NRAP: variants seen among roughly 807,000 people sequenced by gnomAD.
The protein encoded by NRAP is nebulin-related-anchoring protein.
NRAP carries 189 observed loss-of-function variants against 225.9 expected under a neutral mutation model. The ratio of observed to expected loss-of-function variants is 0.84; its 90% CI spans 0.74 to 0.94. The LOEUF (loss-of-function observed/expected upper bound fraction) is 0.94. Among genes scored for constraint, NRAP ranks in the 40% least tolerant of loss-of-function variants. NRAP has a pLI of 0.00. For synonymous variants in NRAP, 769 were observed against 790.7 expected (o/e 0.97, Z 0.46); for missense variants, 2,176 against 2,168.7 (o/e 1.00, Z -0.07).
rs1850154399 is a variant in NRAP at position 113,654,085 on chromosome 10, C to CTTG, written c.400_401insCAA (p.Cys134delinsSerSer). ...TTCGGGGTCTGGCAGAGCTCCTGGG[C>CTTG]ACCAAGCATTCCCTTCCCCATATCC... On this transcript the variant is annotated protein_altering_variant, in exon 5 of 42. Transcript: ENST00000359988. 1 of 1,613,648 alleles carries CTTG rather than the reference C, an allele frequency of 6.2e-7. No homozygotes were observed. The highest frequency in any genetic ancestry group is 8.5e-7 in the Non-Finnish European group (1 of 1,179,724).
rs1488085896 is a variant in NRAP, at chr10:113,645,606, G to C, written c.1110+219C>G. On this transcript the variant is annotated intron_variant, in intron 11 of 41. Transcript: ENST00000359988. ...CTAATTTTGTATTTTTAGTAGAGAC[G>C]GGGTTTCTCCATGTTAGTCAGGCTG... is the stretch of plus-strand genomic sequence containing the variant. 2.6e-5 allele frequency among the ~76,000 whole-genome samples: 4 copies of C among 152,152 alleles called. No individual in the cohort carries two copies. In the East Asian group the frequency reaches 5.8e-4, roughly 22 times the overall value.
At position 113,646,915 on chromosome 10, in the gene NRAP, G is replaced by C. The variant is rs193051579; in HGVS notation, c.993+8C>G. The stretch of plus-strand genomic sequence containing the variant: ...CTGGCTCTGTGGTCACACCTACATG[G>C]TACTTACGTCACTAGCGAGTTCGTG... On this transcript the variant is annotated splice_region_variant and intron_variant, in intron 10 of 41. Transcript: ENST00000359988. The C allele has an allele frequency of 6.3e-6, 10 of 1,592,836 alleles. No homozygotes were observed. The South Asian group carries it at 1.1e-4, about 18-fold the overall frequency.
chr10:113,632,056 C>G lies in NRAP; in HGVS notation c.1633-92G>C, dbSNP rs578087524. On this transcript the variant is annotated intron_variant, in intron 16 of 41. Transcript: ENST00000359988. ...TTCAAAGCAAAGTTGGATTTTTCCT[C>G]TATTTACAGACCAGAGGCTCGGCTG... 1.4e-5 allele frequency: 11 copies of G among 784,994 alleles called. No individual in the cohort carries two copies. In the East Asian group the frequency reaches 2.7e-4, roughly 19 times the overall value. The allele number at this position is 784,994 out of a possible 1,614,324, so 48.6% of individuals were successfully genotyped here.
intron 3 of NRAP, among the ~76,000 whole-genome samples, chr10:113,659,845 ATC>A (rs1033896446): frequency 2.0e-5 from 3 of 151,858 alleles, no homozygotes; most frequent in African/African-American, 7.3e-5. Context: ...TCACTGAAAA[ATC>A]TCTTTCCTTT....
rs146516931 is a variant in NRAP at position 113,628,928 on chromosome 10, G to A, written c.2134C>T (p.Leu712=). The change falls in exon 20 of 42, where the codon CTG becomes TTG. Residue 712 remains leucine, a synonymous_variant. Coordinates refer to ENST00000359988, the MANE Select transcript of NRAP (RefSeq NM_198060.4). ...NLEQAKKAGQ[L]VSEKNYRQRV... ...CCAGTGCAGGTTACCTCGCTGACCAGCTGTCCAGCCTTCTTGGCTTGTTCC... is the reference window on the plus strand; with the variant it reads ...CCAGTGCAGGTTACCTCGCTGACCAACTGTCCAGCCTTCTTGGCTTGTTCC... 1.6e-4 allele frequency: 255 copies of A among 1,605,664 alleles called. No homozygotes were observed. The highest frequency in any genetic ancestry group is 2.1e-4 in the Non-Finnish European group (243 of 1,175,190).
chr10:113,655,034 A>G (rs1272082565), intron 4 of NRAP, among the ~76,000 whole-genome samples: 2 of 152,204 alleles, frequency 1.3e-5, no homozygotes, highest in Non-Finnish European at 1.5e-5. Context: ...CAAGTTGGAC[A>G]GGTTGGATAG....
At chr10:113,619,378 A>C (rs979951708) in intron 25 of NRAP, among the ~76,000 whole-genome samples, 1 of 152,238 alleles carries the variant, frequency 6.6e-6, no homozygotes, top group African/African-American at 2.4e-5. Flanking sequence ...AACTAGAATG[A>C]ACAAATTATA....
At chr10:113,629,056 G>A (rs779053836) in intron 19 of NRAP, 35 bp from the exon 20 acceptor site, 5 of 1,441,382 alleles carry the variant, frequency 3.5e-6, no homozygotes, top group East Asian at 4.5e-5. Context: ...CTCATTGGGC[G>A]CATGGATAGA....
Position 113,648,465 on chromosome 10 carries a change from C to CTATATATA in NRAP, c.889-1439_889-1438insTATATATA, listed in dbSNP as rs1326507151. 3.3e-4 allele frequency among the ~76,000 whole-genome samples: 35 copies of CTATATATA among 105,268 alleles called. 1 individual carries two copies. Among genetic ancestry groups the CTATATATA allele is most frequent in the East Asian group, 1.9e-3 (7 of 3,696 alleles). 69.1% of individuals were successfully genotyped at this position (105,268 alleles called of 152,430 possible). On this transcript the variant is annotated intron_variant, in intron 9 of 41. Transcript: ENST00000359988. Reference sequence around the variant, plus strand: ...TCTCTCTCTCTCTCTCTCTCTCTCTCTCTATATATATATATATATATATAT... The same window carrying CTATATATA: ...TCTCTCTCTCTCTCTCTCTCTCTCTCTATATATATCTATATATATATATATATATATAT...
chr10:113,592,890 G>A (rs965499558), intron 38 of NRAP, among the ~76,000 whole-genome samples: 2 of 152,170 alleles, frequency 1.3e-5, no homozygotes, highest in African/African-American at 4.8e-5. Flanking sequence ...ACCTGACCGA[G>A]TACCTGACCC....
intron 10 of NRAP, among the ~76,000 whole-genome samples, chr10:113,646,713 C>T (rs943928776): frequency 2.6e-5 from 4 of 152,220 alleles, no homozygotes; most frequent in Non-Finnish European, 5.9e-5. Flanking sequence ...TGGCCTCAAG[C>T]GAGCTATGCT....
intron 35 of NRAP, among the ~76,000 whole-genome samples, chr10:113,599,873 A>T (rs1280096377): frequency 1.3e-5 from 2 of 152,064 alleles, no homozygotes; most frequent in Non-Finnish European, 2.9e-5. Flanking sequence ...CCCCTCTTAC[A>T]TACTAAGGTC....
Position 113,663,433 on chromosome 10 carries a change from G to A in NRAP, c.86C>T (p.Ala29Val), listed in dbSNP as rs759554045. ...CTTGCAAACTTCACAGTGAAAACAG[G>A]CTTTATGCCATATCTAGAAATCATA... ...ISCIDQIWHK[A>V]CFHCEVCKMM... Residue 29 changes from alanine to valine, a missense_variant, in exon 2 of 42, where the codon GCC becomes GTC. Coordinates refer to ENST00000359988, the MANE Select transcript of NRAP (RefSeq NM_198060.4). The A allele has an allele frequency of 2.5e-6, 4 of 1,602,262 alleles. No individual in the cohort carries two copies. Among genetic ancestry groups the A allele is most frequent in the Non-Finnish European group, 8.6e-7 (1 of 1,169,294 alleles).
At chr10:113,648,433 T>C (rs1410313903) in intron 9 of NRAP, among the ~76,000 whole-genome samples, 1 of 86,848 alleles carries the variant, frequency 1.2e-5, no homozygotes, top group Non-Finnish European at 2.7e-5. Context: ...AACTTTATTT[T>C]AGTTTCTCTC....
At chr10:113,614,445 TC>T in intron 28 of NRAP, 149 bp from the exon 29 acceptor site, 1 of 644,826 alleles carries the variant, frequency 1.6e-6, no homozygotes, top group East Asian at 2.7e-5. Context: ...AAAGGGCTAT[TC>T]TTTCATATGC....
At chr10:113,651,607 C>G (rs1353494542) in intron 7 of NRAP, among the ~76,000 whole-genome samples, 196 bp downstream of exon 7, 1 of 152,098 alleles carries the variant, frequency 6.6e-6, no homozygotes, top group Non-Finnish European at 1.5e-5. Flanking sequence ...TTTTCTGTTC[C>G]TGTATTAGTC....
intron 7 of NRAP, among the ~76,000 whole-genome samples, chr10:113,650,846 G>T (rs1849919651): frequency 6.6e-6 from 1 of 152,184 alleles, no homozygotes; most frequent in South Asian, 2.1e-4. Flanking sequence ...TCAAGGAGTT[G>T]TCAGCCATTT....
At chr10:113,630,530 G>C (rs533856323) in intron 18 of NRAP, among the ~76,000 whole-genome samples, 2 of 152,248 alleles carry the variant, frequency 1.3e-5, no homozygotes, top group South Asian at 4.1e-4. Flanking sequence ...AAGGAGTGTG[G>C]TGCCAGGTAA....
intron 3 of NRAP, among the ~76,000 whole-genome samples, chr10:113,660,727 T>C (rs935586059): frequency 1.3e-5 from 2 of 152,208 alleles, no homozygotes; most frequent in African/African-American, 4.8e-5. Context: ...ATGTTTTATG[T>C]GTCAAATCCT....
Sources: allele counts gnomAD v4.1 joint callset (sites outside exome capture counted in the v4.1 genomes callset), GRCh38; gene constraint gnomAD v4.1.1; transcripts MANE v1.5; gene names NCBI Gene and HGNC (gene_info 2026-07-23, HGNC 2026-07-21).